Variants in RERE observed in about 807,000 individuals in gnomAD.
RERE encodes the protein arginine-glutamic acid dipeptide repeats protein.
Under a neutral mutation model 146.1 loss-of-function variants are expected in RERE, and 40 were observed. The observed-to-expected ratio is 0.27, with a 90% confidence interval of 0.21 to 0.36. RERE has a LOEUF of 0.36. Ranked by LOEUF, RERE falls within the 10% of genes least tolerant of loss-of-function variation. RERE has a pLI of 1.00. For missense variants in RERE, 1,933 were observed against 2,138.7 expected (o/e 0.90, Z 1.90); for synonymous variants, 1,003 against 866.0 (o/e 1.16, Z -2.78).
At chr1:8,410,009 G>A (rs1003494648) in intron 12 of RERE, among the ~76,000 whole-genome samples, 5 of 106,948 alleles carry the variant, frequency 4.7e-5, no homozygotes, top group Non-Finnish European at 8.8e-5. Context: ...TACTAAATCC[G>A]AACATTAATG....
intron 7 of RERE, among the ~76,000 whole-genome samples, chr1:8,528,265 C>T (rs889240202): frequency 3.9e-5 from 6 of 152,176 alleles, no homozygotes; most frequent in South Asian, 2.1e-4. Flanking sequence ...GGTGAGGAAA[C>T]ATGTTGTGAA....
chr1:8,805,343 T>C (rs1641669483), intron 1 of RERE, among the ~76,000 whole-genome samples: 1 of 151,974 alleles, frequency 6.6e-6, no homozygotes, highest in Non-Finnish European at 1.5e-5. Context: ...TGAAACCCCA[T>C]CTCTACTAAA....
intron 6 of RERE, among the ~76,000 whole-genome samples, chr1:8,543,803 A>G (rs1374887725): frequency 6.6e-6 from 1 of 151,916 alleles, no homozygotes; most frequent in East Asian, 1.9e-4. Context: ...ACAGAAAGCC[A>G]AAAGCAACAG....
intron 4 of RERE, among the ~76,000 whole-genome samples, chr1:8,559,046 C>T (rs1361255569): frequency 6.6e-6 from 1 of 151,242 alleles, no homozygotes; most frequent in Non-Finnish European, 1.5e-5. Context: ...TCCATCCACC[C>T]ACCTCGGCCT....
intron 2 of RERE, among the ~76,000 whole-genome samples, chr1:8,635,387 G>A (rs564398029): frequency 1.3e-5 from 2 of 152,304 alleles, no homozygotes; most frequent in East Asian, 1.9e-4. Context: ...ATTTCAGCAA[G>A]GTCATAGTAT....
chr1:8,737,711 C>T (rs938359815), intron 1 of RERE, among the ~76,000 whole-genome samples: 4 of 152,014 alleles, frequency 2.6e-5, no homozygotes, highest in Non-Finnish European at 5.9e-5. Context: ...GCTAAGATAA[C>T]AGGTGTGAGC....
chr1:8,727,706 ATGG>A (rs1639999964), intron 1 of RERE, among the ~76,000 whole-genome samples: 1 of 151,918 alleles, frequency 6.6e-6, no homozygotes, highest in Non-Finnish European at 1.5e-5. Context: ...GTTGGCCAGG[ATGG>A]TCTTGATCTC....
chr1:8,399,236 T>C (rs1391148131), intron 12 of RERE, among the ~76,000 whole-genome samples: 4 of 152,128 alleles, frequency 2.6e-5, no homozygotes, highest in African/African-American at 9.7e-5. Context: ...TAGATAAATA[T>C]ATTATCATTT....
rs189059672 is a variant in RERE at position 8,416,457 on chromosome 1, G to A, written c.1284+6270C>T. ...AAAAATTAGCCAGGCGTGGTGGCGG[G>A]CGCCTGTAGTCCCAGCTACTCGGGA... On this transcript the variant is annotated intron_variant, in intron 12 of 22. Coordinates refer to ENST00000400908, the MANE Select transcript of RERE (RefSeq NM_001042681.2). Among the ~76,000 whole-genome samples the A allele has an allele frequency of 4.3e-3, 649 of 151,842 alleles. 1 individual carries two copies. The highest frequency in any genetic ancestry group is 8.0e-3 in the Non-Finnish European group (540 of 67,914).
intron 4 of RERE, among the ~76,000 whole-genome samples, chr1:8,602,209 T>C (rs1488925343): frequency 6.6e-6 from 1 of 151,958 alleles, no homozygotes. Flanking sequence ...GCCAACATGG[T>C]GAAACCCCGT....
chr1:8,787,902 A>T (rs1209022289), intron 1 of RERE, among the ~76,000 whole-genome samples: 1 of 151,570 alleles, frequency 6.6e-6, no homozygotes, highest in Non-Finnish European at 1.5e-5. Context: ...AAGTATTACC[A>T]GCCTGGGCAA....
At position 8,356,492 on chromosome 1, in the gene RERE, G is replaced by A. The variant is rs1195077728; in HGVS notation, c.4340-246C>T. 6.6e-6 allele frequency among the ~76,000 whole-genome samples: 1 copy of A among 152,108 alleles called. No individual in the cohort carries two copies. The highest frequency in any genetic ancestry group is 1.5e-5 in the Non-Finnish European group (1 of 68,026). On this transcript the variant is annotated intron_variant, in intron 20 of 22. Transcript: ENST00000400908. The surrounding 1 kb of genome is among the most constrained non-coding windows in gnomAD (Gnocchi z 5.2). ...GCAGGCACTCCCTCGTCCGCTTGTG[G>A]AGTGCCCCTAACAGGCAATCCCAGG...
rs150744204 is a variant in RERE, at chr1:8,529,552, G to A, written c.830+11662C>T. Among the ~76,000 whole-genome samples, 1,239 of 151,060 alleles carry A rather than the reference G, an allele frequency of 8.2e-3. 13 individuals carry two copies. Among genetic ancestry groups the A allele is most frequent in the African/African-American group, 0.028 (1,169 of 41,110 alleles). ...CCAGACCTCGTGATCCTCCCGCCTC[G>A]GCCTCCCAAACTGCTGGGATTACAG... On this transcript the variant is annotated intron_variant, in intron 7 of 22. Coordinates refer to ENST00000400908, the MANE Select transcript of RERE (RefSeq NM_001042681.2).
intron 1 of RERE, among the ~76,000 whole-genome samples, chr1:8,729,901 A>G (rs1456765880): frequency 6.6e-6 from 1 of 152,256 alleles, no homozygotes; most frequent in African/African-American, 2.4e-5. Flanking sequence ...GAAGAGCTCT[A>G]AGGTTTTCTT....
chr1:8,696,823 T>C (rs963872877), intron 1 of RERE, among the ~76,000 whole-genome samples: 2 of 152,020 alleles, frequency 1.3e-5, no homozygotes, highest in African/African-American at 4.8e-5. Flanking sequence ...GGCAGGAGTA[T>C]AGCTTGAACC....
At chr1:8,397,530 C>T (rs1643095735) in intron 12 of RERE, among the ~76,000 whole-genome samples, 1 of 149,004 alleles carries the variant, frequency 6.7e-6, no homozygotes, top group Non-Finnish European at 1.5e-5. Flanking sequence ...TACCAAGGAA[C>T]AAAACCTTTC....
chr1:8,699,855 C>T (rs1466755006), intron 1 of RERE, among the ~76,000 whole-genome samples: 2 of 152,138 alleles, frequency 1.3e-5, no homozygotes, highest in Non-Finnish European at 2.9e-5. Flanking sequence ...TACCCAGCCA[C>T]CCCCACGAGA....
rs530472157 is a variant in RERE, at chr1:8,775,176, G to C, written c.-145+41984C>G. 1.2e-3 allele frequency among the ~76,000 whole-genome samples: 184 copies of C among 151,612 alleles called. 1 individual carries two copies. Among genetic ancestry groups the C allele is most frequent in the African/African-American group, 4.2e-3 (175 of 41,378 alleles). ...GGGTTTCACCATGTTGGCCAGGATG[G>C]TCTCGATCTCTTGACCTTGTGATCC... is the stretch of plus-strand genomic sequence containing the variant. On this transcript the variant is annotated intron_variant, in intron 1 of 22. Transcript: ENST00000400908.
At chr1:8,594,325 A>T (rs918395203) in intron 4 of RERE, among the ~76,000 whole-genome samples, 1 of 152,224 alleles carries the variant, frequency 6.6e-6, no homozygotes, top group Non-Finnish European at 1.5e-5. Context: ...ACGACTGTAC[A>T]TAAAATACGC....
Sources: gnomAD v4.1 joint callset for allele counts (sites outside exome capture counted in the v4.1 genomes callset) on GRCh38, gnomAD v4.1.1 for gene constraint, Gnocchi (gnomAD v3.1) non-coding constraint, MANE v1.5 for transcripts, NCBI Gene and HGNC (gene_info 2026-07-23, HGNC 2026-07-21) for gene names.